NPHP4: variants seen among roughly 807,000 people sequenced by gnomAD.
NPHP4 encodes the protein nephrocystin 4.
A neutral mutation model predicts 155.8 loss-of-function variants in NPHP4; 151 were observed. The observed-to-expected ratio is 0.97, with a 90% CI of 0.85 to 1.11. The LOEUF is 1.11. NPHP4 is among the 50% of genes least tolerant of loss of function. The pLI, the probability that NPHP4 is intolerant of heterozygous loss-of-function variation, is 0.00. For missense variants in NPHP4, 1,956 were observed against 1,925.7 expected, an observed-to-expected ratio of 1.02 and a Z score of -0.29; for synonymous variants, 845 against 816.8, an observed-to-expected ratio of 1.03 and a Z score of -0.59.
chr1:5,968,533 G>A (rs916693991), intron 4 of NPHP4, among the ~76,000 whole-genome samples: 3 of 151,962 alleles, frequency 2.0e-5, no homozygotes, highest in East Asian at 1.9e-4. Flanking sequence ...GGCTGGAGGC[G>A]GAGGTGGCAG....
intron 18 of NPHP4, among the ~76,000 whole-genome samples, chr1:5,886,225 C>T (rs1309683209): frequency 6.6e-6 from 1 of 152,214 alleles, no homozygotes; most frequent in Non-Finnish European, 1.5e-5. Context: ...TTCTCCAGAA[C>T]CTAATTGAGT....
rs1321943236 is a variant in NPHP4 at position 5,892,911 on chromosome 1, G to A, written c.2144-1883C>T. ...ACAAACACCACGCCCCAGCCCGGCT[G>A]GAATCCTCACTGCTTCTGGGGTTGA... On this transcript the variant is annotated intron_variant, in intron 16 of 29. Coordinates refer to ENST00000378156, the MANE Select transcript of NPHP4 (RefSeq NM_015102.5). This position sits in a 1 kb window ranked among gnomAD's most constrained non-coding sequence, Gnocchi z 4.5. Among the ~76,000 whole-genome samples the A allele has an allele frequency of 2.0e-5, 3 of 152,120 alleles. No individual in the cohort carries two copies. Among genetic ancestry groups the A allele is most frequent in the African/African-American group, 7.2e-5 (3 of 41,414 alleles).
intron 1 of NPHP4, among the ~76,000 whole-genome samples, chr1:5,990,126 C>G (rs1174948626): frequency 6.6e-6 from 1 of 152,216 alleles, no homozygotes. Context: ...TTGCTCCTTT[C>G]CACCTCTGCT....
chr1:5,871,256 T>A (rs1220847257), intron 23 of NPHP4, among the ~76,000 whole-genome samples: 1 of 152,104 alleles, frequency 6.6e-6, no homozygotes, highest in African/African-American at 2.4e-5. Context: ...TACTTGTTAT[T>A]TAAAAAAGGC....
At chr1:5,966,027 T>C (rs1651443703) in intron 5 of NPHP4, among the ~76,000 whole-genome samples, 1 of 152,052 alleles carries the variant, frequency 6.6e-6, no homozygotes, top group Admixed American at 6.6e-5. Context: ...CAGCAGAAAT[T>C]CCTCTTCCCT....
intron 3 of NPHP4, among the ~76,000 whole-genome samples, chr1:5,976,355 G>C (rs183623819): frequency 6.6e-6 from 1 of 152,144 alleles, no homozygotes; most frequent in Admixed American, 6.5e-5. Flanking sequence ...AGCGCCTCCC[G>C]GTGAAGGATG....
intron 1 of NPHP4, chr1:5,991,644 G>T (rs993790643): frequency 3.3e-5 from 5 of 152,230 alleles, no homozygotes; most frequent in Non-Finnish European, 7.3e-5. Flanking sequence ...GGGCCGGGTC[G>T]GCCGGGAGGT....
intron 23 of NPHP4, among the ~76,000 whole-genome samples, chr1:5,871,864 A>G (rs499509): frequency 0.4 from 60,187 of 151,686 alleles, 11,893 homozygotes; most frequent in African/African-American, 0.46. Flanking sequence ...GGGCAGCAAC[A>G]ACAGCATGCA....
intron 18 of NPHP4, 104 bp downstream of exon 18, chr1:5,887,182 G>C (rs982620739): frequency 9.2e-7 from 1 of 1,092,854 alleles, no homozygotes; most frequent in African/African-American, 1.6e-5. Context: ...GTTTCCTCCT[G>C]GGCCCGTGAA....
intron 11 of NPHP4, among the ~76,000 whole-genome samples, chr1:5,923,828 T>G (rs1487057169): frequency 1.3e-5 from 2 of 152,154 alleles, no homozygotes; most frequent in Non-Finnish European, 2.9e-5. Flanking sequence ...AAGAGAAAAT[T>G]CTCAGTATCT....
chr1:5,905,631 C>T lies in NPHP4; in HGVS notation c.1763+1G>A. On this transcript the variant is annotated splice_donor_variant, in intron 14 of 29. Coordinates refer to ENST00000378156, the MANE Select transcript of NPHP4 (RefSeq NM_015102.5). LOFTEE classifies it high-confidence loss of function. The surrounding 1 kb of genome is among the most constrained non-coding windows in gnomAD (Gnocchi z 4.0). ...CCATCCCACCCAGACCCACACCTCA[C>T]CTCCTGGTCTGGGTTCCCACAACAA... 1 of 1,613,874 alleles carries T rather than the reference C, an allele frequency of 6.2e-7. No homozygotes were observed. Among genetic ancestry groups the T allele is most frequent in the Non-Finnish European group, 8.5e-7 (1 of 1,179,812 alleles).
chr1:5,872,690 TTTTTAA>T (rs907905514), intron 23 of NPHP4, among the ~76,000 whole-genome samples: 3 of 152,174 alleles, frequency 2.0e-5, no homozygotes, highest in African/African-American at 7.2e-5. Flanking sequence ...AGACCAAAGC[TTTTTAA>T]TTTTGTTTTT....
rs116443439 is a variant in NPHP4, at chr1:5,965,490, G to A, written c.517+1809C>T. Among the ~76,000 whole-genome samples the A allele has an allele frequency of 5.2e-3, 797 of 152,210 alleles. 2 individuals are homozygous for A. Among genetic ancestry groups the A allele is most frequent in the African/African-American group, 0.018 (746 of 41,530 alleles). On this transcript the variant is annotated intron_variant, in intron 5 of 29. Coordinates refer to ENST00000378156, the MANE Select transcript of NPHP4 (RefSeq NM_015102.5). ...AGCATATGACTAATTAGATTCAGTT[G>A]AAAAATAACCTAAAAGCCAATCTTC...
Position 5,910,062 on chromosome 1 carries a change from G to C in NPHP4, c.1442-849C>G, listed in dbSNP as rs1645104214. 6.6e-6 allele frequency among the ~76,000 whole-genome samples: 1 copy of C among 152,220 alleles called. No individual in the cohort carries two copies. The highest frequency in any genetic ancestry group is 2.4e-5 in the African/African-American group (1 of 41,450). On this transcript the variant is annotated intron_variant, in intron 11 of 29. Transcript: ENST00000378156. This position sits in a 1 kb window ranked among gnomAD's most constrained non-coding sequence, Gnocchi z 5.4. ...TGAAACCCACCAGGCTCCTGCCACA[G>C]CGGTGCTGGAGCGTCCATAGCCACT...
At chr1:5,869,235 A>ATACACATCCACCCACATG in intron 23 of NPHP4, among the ~76,000 whole-genome samples, 1 of 82,106 alleles carries the variant, frequency 1.2e-5, no homozygotes, top group Non-Finnish European at 2.8e-5. Flanking sequence ...ACCCACATGC[A>ATACACATCCACCCACATG]CACACACACA....
chr1:5,980,596 A>AGACAGGGAGG (rs1654516507), intron 2 of NPHP4, among the ~76,000 whole-genome samples: 3 of 150,482 alleles, frequency 2.0e-5, no homozygotes, highest in Admixed American at 2.0e-4. Context: ...GGAGGAGGCG[A>AGACAGGGAGG]GACAGGGAGG....
At chr1:5,942,006 C>T (rs531814098) in intron 9 of NPHP4, among the ~76,000 whole-genome samples, 51 of 152,264 alleles carry the variant, frequency 3.3e-4, no homozygotes, top group Admixed American at 3.1e-3. Flanking sequence ...CAGAGTCTCC[C>T]CACAGATCAC....
chr1:5,981,446 G>T (rs1654680637), intron 2 of NPHP4, among the ~76,000 whole-genome samples: 1 of 152,010 alleles, frequency 6.6e-6, no homozygotes, highest in Non-Finnish European at 1.5e-5. Context: ...CCAAAATAAA[G>T]AAATATAAGC....
intron 2 of NPHP4, among the ~76,000 whole-genome samples, chr1:5,981,526 A>T (rs1343033737): frequency 2.6e-5 from 4 of 152,234 alleles, no homozygotes; most frequent in African/African-American, 9.6e-5. Context: ...AATCATTAAT[A>T]AAGTGCCCTG....
Sources: gnomAD v4.1 joint callset for allele counts (sites outside exome capture counted in the v4.1 genomes callset) on GRCh38, gnomAD v4.1.1 for gene constraint, Gnocchi (gnomAD v3.1) non-coding constraint, MANE v1.5 for transcripts, NCBI Gene and HGNC (gene_info 2026-07-23, HGNC 2026-07-21) for gene names.